Variants in PRKAR1A observed in about 807,000 individuals in gnomAD.
PRKAR1A encodes cAMP-dependent protein kinase type I-alpha regulatory subunit.
A neutral mutation model predicts 52.0 loss-of-function variants in PRKAR1A; 3 were observed. That is an observed-to-expected ratio of 0.06 (90% CI 0.03 to 0.15). The LOEUF (loss-of-function observed/expected upper bound fraction) is 0.15. PRKAR1A is among the 10% of genes least tolerant of loss of function. The pLI is 1.00. For synonymous variants in PRKAR1A, 188 were observed against 168.4 expected, an observed-to-expected ratio of 1.12 and a Z score of -0.90; for missense variants, 240 against 477.4, an observed-to-expected ratio of 0.50 and a Z score of 4.63.
At chr17:68,508,749 T>C (rs1356228446), upstream of PRKAR1A, among the ~76,000 whole-genome samples, 1 of 152,220 alleles carries the variant, frequency 6.6e-6, no homozygotes, top group African/African-American at 2.4e-5. Context: ...CTTGGAACGC[T>C]TTAGTGTTAG....
the PRKAR1A span, chr17:68,426,267 G>C: frequency 4.3e-6 from 4 of 922,582 alleles, no homozygotes; most frequent in African/African-American, 4.9e-5. Flanking sequence ...CAAATAAAGG[G>C]CAAAGGAAGC....
At chr17:68,464,949 G>A in the PRKAR1A span, among the ~76,000 whole-genome samples, 4 of 144,318 alleles carry the variant, frequency 2.8e-5, no homozygotes, top group African/African-American at 7.6e-5. Flanking sequence ...TTTTTTAGAC[G>A]GAGTCTTGCT....
At chr17:68,484,875 A>T in the PRKAR1A span, among the ~76,000 whole-genome samples, 1 of 152,242 alleles carries the variant, frequency 6.6e-6, no homozygotes, top group Non-Finnish European at 1.5e-5. Flanking sequence ...AAAAGTGGGG[A>T]GTCAAAGGAT....
At chr17:68,416,124 T>C in the PRKAR1A span, among the ~76,000 whole-genome samples, 2 of 152,228 alleles carry the variant, frequency 1.3e-5, no homozygotes, top group Non-Finnish European at 2.9e-5. Context: ...GTTTTATAGG[T>C]CCTGTGAGCT....
chr17:68,491,306 G>A, the PRKAR1A span, among the ~76,000 whole-genome samples: 2 of 152,076 alleles, frequency 1.3e-5, no homozygotes, highest in African/African-American at 4.8e-5. Flanking sequence ...TGGCCAGGCT[G>A]GTCTTGAACT....
chr17:68,537,407 C>G, downstream of PRKAR1A: 1 of 1,600,780 alleles, frequency 6.2e-7, no homozygotes, highest in Non-Finnish European at 8.5e-7. The surrounding 1 kb of genome is among the most constrained non-coding windows in gnomAD (Gnocchi z 4.2). Context: ...GGAGTGAGGA[C>G]GCAGGGTCGG....
At chr17:68,488,734 C>CAAAAAAAAAAA in the PRKAR1A span, among the ~76,000 whole-genome samples, 1 of 42,810 alleles carries the variant, frequency 2.3e-5, no homozygotes, top group Non-Finnish European at 4.8e-5. Flanking sequence ...CATCTCAAAA[C>CAAAAAAAAAAA]AAAAAAAAAA....
chr17:68,426,583 A>T, the PRKAR1A span, among the ~76,000 whole-genome samples: 1 of 152,150 alleles, frequency 6.6e-6, no homozygotes, highest in Non-Finnish European at 1.5e-5. Context: ...CCCAGGCTGG[A>T]GTGCAGTGGT....
At chr17:68,437,948 T>TAAAAAAAAAAA in the PRKAR1A span, among the ~76,000 whole-genome samples, 57 of 78,798 alleles carry the variant, frequency 7.2e-4, no homozygotes, top group Middle Eastern at 9.3e-3. Context: ...ACATCTCTCT[T>TAAAAAAAAAAA]AAAAAAAAAA....
chr17:68,437,950 A>AAAAAAAAAAAAAAT, the PRKAR1A span, among the ~76,000 whole-genome samples: 1 of 35,500 alleles, frequency 2.8e-5, no homozygotes, highest in Non-Finnish European at 5.7e-5. Flanking sequence ...ATCTCTCTTA[A>AAAAAAAAAAAAAAT]AAAAAAAAAA....
intron 11 of PRKAR1A, chr17:68,539,378 A>G (rs1437227841): frequency 6.2e-7 from 1 of 1,614,214 alleles, no homozygotes; most frequent in South Asian, 1.1e-5. Context: ...AGATTTCATC[A>G]TGGGAGTGTC....
chr17:68,540,736 CAG>C (rs1035421397), intron 11 of PRKAR1A: 8 of 1,319,780 alleles, frequency 6.1e-6, no homozygotes, highest in African/African-American at 2.9e-5. Flanking sequence ...GTGGGAGGTG[CAG>C]AGTTACTCAG....
chr17:68,525,822 T>A lies in PRKAR1A; in HGVS notation c.618T>A (p.Ile206=), dbSNP rs777351061. ...GGAGCTTTGGAGAACTTGCTTTGAT[T>A]TATGGAACACCGAGAGCAGCCACTG... ...EGGSFGELAL[I]YGTPRAATVK... is the part of the protein sequence containing the mutation. The change falls in exon 7 of 11, where the codon ATT becomes ATA. Residue 206 remains isoleucine (I), a synonymous_variant. Coordinates refer to ENST00000589228, the MANE Select transcript of PRKAR1A (RefSeq NM_002734.5). 6.2e-7 allele frequency: 1 copy of A among 1,613,870 alleles called. No homozygotes were observed. Among genetic ancestry groups the A allele is most frequent in the Non-Finnish European group, 8.5e-7 (1 of 1,179,912 alleles).
chr17:68,433,596 G>A, the PRKAR1A span: 12 of 1,596,938 alleles, frequency 7.5e-6, no homozygotes, highest in East Asian at 2.7e-4. Flanking sequence ...AGCAACACAT[G>A]GGTCAGTGAG....
the PRKAR1A span, chr17:68,433,690 C>T: frequency 2.9e-6 from 2 of 681,992 alleles, no homozygotes; most frequent in East Asian, 3.2e-5. Context: ...CCTAGGTAGA[C>T]CCAGATCCCT....
chr17:68,469,905 C>T, the PRKAR1A span, among the ~76,000 whole-genome samples: 7 of 152,106 alleles, frequency 4.6e-5, no homozygotes, highest in African/African-American at 1.4e-4. Context: ...ACAGGGAGAA[C>T]AGAGGCATCG....
the PRKAR1A span, among the ~76,000 whole-genome samples, chr17:68,451,720 C>G: frequency 6.6e-6 from 1 of 152,094 alleles, no homozygotes; most frequent in Non-Finnish European, 1.5e-5. Flanking sequence ...ATCTGTACTC[C>G]CCCCACCCCC....
At chr17:68,510,659 C>T (rs1180587863), upstream of PRKAR1A, among the ~76,000 whole-genome samples, 3 of 152,154 alleles carry the variant, frequency 2.0e-5, no homozygotes, top group Non-Finnish European at 4.4e-5. Flanking sequence ...TTTGTACTGT[C>T]AAGAGTGAAA....
At chr17:68,535,278 GAAT>G, downstream of PRKAR1A, 1 of 454,044 alleles carries the variant, frequency 2.2e-6, no homozygotes, top group Non-Finnish European at 4.4e-6. Flanking sequence ...AAAGATAAGT[GAAT>G]AATAAGGTAG....
Sources: gnomAD v4.1 joint callset for allele counts (sites outside exome capture counted in the v4.1 genomes callset) on GRCh38, gnomAD v4.1.1 for gene constraint, Gnocchi (gnomAD v3.1) non-coding constraint, MANE v1.5 for transcripts, NCBI Gene and HGNC (gene_info 2026-07-23, HGNC 2026-07-21) for gene names.